OSBP2: variants seen among roughly 807,000 people sequenced by gnomAD.
The protein encoded by OSBP2 is oxysterol-binding protein 2.
A neutral mutation model predicts 96.0 loss-of-function variants in OSBP2; 66 were observed. That is an observed-to-expected ratio of 0.69 (90% CI 0.56 to 0.84). OSBP2 has a LOEUF of 0.84. Ranked by LOEUF, OSBP2 falls within the 40% of genes least tolerant of loss-of-function variation. OSBP2 has a pLI of 0.00. For missense variants in OSBP2, 1,038 were observed against 1,222.7 expected, an observed-to-expected ratio of 0.85 and a Z score of 2.25; for synonymous variants, 525 against 520.9, an observed-to-expected ratio of 1.01 and a Z score of -0.11.
chr22:30,806,169 G>T (rs117758152), intron 2 of OSBP2, among the ~76,000 whole-genome samples: 3 of 152,148 alleles, frequency 2.0e-5, no homozygotes, highest in Non-Finnish European at 4.4e-5. Flanking sequence ...CAGACAGGTC[G>T]CAGTGCCCAA....
chr22:30,760,228 C>A (rs1049778876), intron 2 of OSBP2, among the ~76,000 whole-genome samples: 1 of 150,862 alleles, frequency 6.6e-6, no homozygotes, highest in Non-Finnish European at 1.5e-5. Context: ...AAACTCCTGA[C>A]CTCAAGTGAT....
intron 2 of OSBP2, among the ~76,000 whole-genome samples, chr22:30,828,162 T>C (rs73402267): frequency 0.042 from 6,431 of 152,258 alleles, 460 homozygotes; most frequent in African/African-American, 0.15. Flanking sequence ...AGAAAGAGGC[T>C]AAATGCCAGA....
intron 12 of OSBP2, among the ~76,000 whole-genome samples, chr22:30,896,058 C>T (rs1371996374): frequency 2.0e-5 from 3 of 151,550 alleles, no homozygotes; most frequent in Admixed American, 1.3e-4. Context: ...CTCACTCTGT[C>T]GCCCAGGCTA....
intron 12 of OSBP2, among the ~76,000 whole-genome samples, chr22:30,904,002 G>A (rs1356191864): frequency 2.0e-5 from 3 of 152,210 alleles, no homozygotes; most frequent in Non-Finnish European, 2.9e-5. Context: ...CCATGTGCAG[G>A]GTTCAGCACT....
chr22:30,840,085 G>T (rs1602340586), intron 2 of OSBP2, among the ~76,000 whole-genome samples: 1 of 131,462 alleles, frequency 7.6e-6, no homozygotes. Context: ...TTCTTTTTTA[G>T]CATTGGGTGA....
chr22:30,741,525 G>T (rs73154638), intron 2 of OSBP2, among the ~76,000 whole-genome samples, 156 bp downstream of exon 2: 1 of 152,222 alleles, frequency 6.6e-6, no homozygotes, highest in Non-Finnish European at 1.5e-5. Flanking sequence ...TCTGTGCATC[G>T]TCAGCAGTGA....
At position 30,890,714 on chromosome 22, in the gene OSBP2, C is replaced by A. The variant is rs749375252; in HGVS notation, c.1624-14C>A. Reference sequence around the variant, plus strand: ...GCTGGTGCCCAGCCTGACCACCCACCTGTCCACCCACAGGTGAACTTCAAT... The same window carrying A: ...GCTGGTGCCCAGCCTGACCACCCACATGTCCACCCACAGGTGAACTTCAAT... On this transcript the variant is annotated splice_polypyrimidine_tract_variant and intron_variant, in intron 7 of 13. Transcript: ENST00000332585. This position sits in a 1 kb window ranked among gnomAD's most constrained non-coding sequence, Gnocchi z 4.4. 7 of 1,609,846 alleles carry A rather than the reference C, an allele frequency of 4.3e-6. No homozygotes were observed.
At chr22:30,751,674 A>C (rs2090075448) in intron 2 of OSBP2, among the ~76,000 whole-genome samples, 1 of 152,068 alleles carries the variant, frequency 6.6e-6, no homozygotes, top group African/African-American at 2.4e-5. Flanking sequence ...TATTTTACAG[A>C]GTTTGACTCT....
chr22:30,791,703 C>T (rs148483028), intron 2 of OSBP2, among the ~76,000 whole-genome samples: 223 of 152,232 alleles, frequency 1.5e-3, no homozygotes, highest in Non-Finnish European at 2.5e-3. Context: ...AATACATTGT[C>T]AATCTTAATT....
rs79121454 is a variant in OSBP2 at position 30,742,966 on chromosome 22, A to G, written c.853+1597A>G. Among the ~76,000 whole-genome samples the G allele has an allele frequency of 2.5e-3, 376 of 152,300 alleles. 1 individual carries two copies. Among genetic ancestry groups the G allele is most frequent in the South Asian group, 5.2e-3 (25 of 4,824 alleles). ...GGAATGTTAACAGGAGTGTGTGAGG[A>G]CACACACCTCCCACAGCCTTGCCTG... On this transcript the variant is annotated intron_variant, in intron 2 of 13. Coordinates refer to ENST00000332585, the MANE Select transcript of OSBP2 (RefSeq NM_030758.4).
chr22:30,814,790 A>T (rs992016994), intron 2 of OSBP2, among the ~76,000 whole-genome samples: 1 of 152,174 alleles, frequency 6.6e-6, no homozygotes, highest in East Asian at 1.9e-4. Context: ...TTGGACTTCA[A>T]CATATGGATT....
chr22:30,902,110 G>GAA (rs60499517), intron 12 of OSBP2: 274 of 204,572 alleles, frequency 1.3e-3, no homozygotes, highest in South Asian at 3.9e-3. Flanking sequence ...AGCAATATAA[G>GAA]AAAAAAAAAA....
At position 30,906,626 on chromosome 22, in the gene OSBP2, G is replaced by A. The variant is rs968254025; in HGVS notation, c.*287G>A. On this transcript the variant is annotated 3_prime_UTR_variant, in exon 14 of 14. Transcript: ENST00000332585. Reference sequence around the variant, plus strand: ...TGCCCCAGTTACCACAACTCAGGCCGGCTGGCCCGGGCCATGGGCTGCGCA... The same window carrying A: ...TGCCCCAGTTACCACAACTCAGGCCAGCTGGCCCGGGCCATGGGCTGCGCA... 6 of 307,724 alleles carry A rather than the reference G, an allele frequency of 1.9e-5. No homozygotes were observed. The highest frequency in any genetic ancestry group is 3.0e-5 in the Non-Finnish European group (5 of 169,064). 19.1% of individuals were successfully genotyped at this position (307,724 alleles called of 1,614,324 possible).
chr22:30,869,433 G>GT (rs1177771163), intron 2 of OSBP2, among the ~76,000 whole-genome samples: 2 of 152,258 alleles, frequency 1.3e-5, no homozygotes, highest in African/African-American at 4.8e-5. Flanking sequence ...GAGAATGGCT[G>GT]TGTTCCTGCA....
At chr22:30,815,434 G>A (rs1191645779) in intron 2 of OSBP2, among the ~76,000 whole-genome samples, 2 of 152,156 alleles carry the variant, frequency 1.3e-5, no homozygotes, top group African/African-American at 4.8e-5. Context: ...TACTTCCTCT[G>A]TCCTCTTGGG....
intron 2 of OSBP2, among the ~76,000 whole-genome samples, chr22:30,847,143 A>G (rs1282511814): frequency 4.6e-5 from 7 of 151,700 alleles, no homozygotes. Flanking sequence ...ATACCCAGAT[A>G]ATTTTTGTAT....
In OSBP2 at chr22:30,741,227, G is replaced by C. The variant is rs1418346246; in HGVS notation, c.711G>C (p.Thr237=). The change falls in exon 2 of 14, where the codon ACG becomes ACC. Residue 237 remains threonine (T), a synonymous_variant. Transcript: ENST00000332585. The part of the protein sequence containing the change: ...TINLSTAHID[T]EDSCGILLTS... ...ACCTGTCCACCGCGCACATTGACAC[G>C]GAGGACTCTTGTGGTATCTTGCTGA... 6.2e-7 allele frequency: 1 copy of C among 1,614,034 alleles called. No homozygotes were observed. The highest frequency in any genetic ancestry group is 1.3e-5 in the African/African-American group (1 of 74,940).
Position 30,695,266 on chromosome 22 carries a change from C to T in OSBP2, c.357C>T (p.Phe119=). The change falls in exon 1 of 14, where the codon TTC becomes TTT. Residue 119 remains phenylalanine (F), a synonymous_variant. Coordinates refer to ENST00000332585, the MANE Select transcript of OSBP2 (RefSeq NM_030758.4). ...ESSSGVGAGP[F]TKAASEPLSR... ...GCTCAGGTGTAGGGGCTGGGCCCTT[C>T]ACTAAGGCCGCATCGGAGCCGCTCT... 2 of 1,613,466 alleles carry T rather than the reference C, an allele frequency of 1.2e-6. No homozygotes were observed. The highest frequency in any genetic ancestry group is 1.7e-6 in the Non-Finnish European group (2 of 1,180,016).
intron 2 of OSBP2, among the ~76,000 whole-genome samples, chr22:30,822,262 G>T (rs1408451606): frequency 6.6e-6 from 1 of 152,250 alleles, no homozygotes. Flanking sequence ...TGCTGCAGGG[G>T]ACAGCACTTT....
Sources: gnomAD v4.1 joint callset for allele counts (sites outside exome capture counted in the v4.1 genomes callset) on GRCh38, gnomAD v4.1.1 for gene constraint, Gnocchi (gnomAD v3.1) non-coding constraint, MANE v1.5 for transcripts, NCBI Gene and HGNC (gene_info 2026-07-23, HGNC 2026-07-21) for gene names.